Variants in GLIPR1 observed in about 807,000 individuals in gnomAD.
GLIPR1 encodes the protein glioma pathogenesis-related protein 1.
Under a neutral mutation model 30.3 loss-of-function variants are expected in GLIPR1, and 38 were observed. The observed-to-expected ratio is 1.26, with a 90% CI of 0.97 to 1.65. GLIPR1 has a LOEUF of 1.65. GLIPR1 is among the 40% of genes most tolerant of loss of function. GLIPR1 has a pLI of 0.00. For synonymous variants in GLIPR1, 122 were observed against 110.6 expected (o/e 1.10, Z -0.65); for missense variants, 285 against 326.5 (o/e 0.87, Z 0.98).
chr12:75,501,314 C>A lies in GLIPR1; in HGVS notation c.*2336C>A. The stretch of plus-strand genomic sequence containing the variant: ...TAAGGTGATGAGAAATCCATGTTAC[C>A]GATATAGAAGCCAAACTCTAAGCCA... On this transcript the variant is annotated 3_prime_UTR_variant, in exon 6 of 6. Transcript: ENST00000266659. 1 of 164,538 alleles carries A rather than the reference C, an allele frequency of 6.1e-6. No individual in the cohort carries two copies. The highest frequency in any genetic ancestry group is 5.9e-5 in the Admixed American group (1 of 17,020). 10.2% of individuals were successfully genotyped at this position (164,538 alleles called of 1,614,324 possible).
At chr12:75,495,889 CAA>C (rs1033657502) in intron 4 of GLIPR1, 2 of 312,540 alleles carry the variant, frequency 6.4e-6, no homozygotes. Flanking sequence ...ACAACAACAA[CAA>C]AAAAAACTGT....
intron 2 of GLIPR1, among the ~76,000 whole-genome samples, chr12:75,482,610 C>T (rs543681602): frequency 3.9e-4 from 59 of 152,136 alleles, no homozygotes; most frequent in Admixed American, 2.8e-3. Context: ...CCCAGGCCAA[C>T]AGAGAGGCCA....
In GLIPR1 at chr12:75,501,858, T is replaced by C. The variant is rs1168944708; in HGVS notation, c.*2880T>C. On this transcript the variant is annotated 3_prime_UTR_variant, in exon 6 of 6. Transcript: ENST00000266659. ...AAAATATATCAGTTAAATGTATTTA[T>C]AGTTAAATAATTCAAGTATCTATGA... The C allele has an allele frequency of 1.9e-6, 3 of 1,572,284 alleles. No homozygotes were observed. The highest frequency in any genetic ancestry group is 1.1e-5 in the South Asian group (1 of 89,220).
chr12:75,495,919 G>A, intron 4 of GLIPR1: 1 of 261,462 alleles, frequency 3.8e-6, no homozygotes, highest in South Asian at 1.3e-4. Flanking sequence ...TGTAGACTAA[G>A]ATTCCTAAGA....
At chr12:75,482,220 G>A in intron 2 of GLIPR1, 141 bp downstream of exon 2, 1 of 742,798 alleles carries the variant, frequency 1.3e-6, no homozygotes, top group Non-Finnish European at 2.2e-6. Context: ...TCCAAGAACA[G>A]AAAATAATGC....
Position 75,501,500 on chromosome 12 carries a change from A to C in GLIPR1, c.*2522A>C, listed in dbSNP as rs2046393769. The C allele has an allele frequency of 2.1e-6, 1 of 483,198 alleles. No homozygotes were observed. Among genetic ancestry groups the C allele is most frequent in the African/African-American group, 2.0e-5 (1 of 50,986 alleles). The allele number at this position is 483,198 out of a possible 1,614,324, so 29.9% of individuals were successfully genotyped here. ...AGAGTCTTTTCCAAGCACAGACCAG[A>C]GGTCAGGAGAGGACTGTCAATCCAG... On this transcript the variant is annotated 3_prime_UTR_variant, in exon 6 of 6. Transcript: ENST00000266659.
rs1314276081 is a variant in GLIPR1 at position 75,500,301 on chromosome 12, C to T, written c.*1323C>T. ...AAATTATTTTACCTACATTCTTTTC[C>T]ATATTTTGGAACTTCTGAGTCATTA... On this transcript the variant is annotated 3_prime_UTR_variant, in exon 6 of 6. Coordinates refer to ENST00000266659, the MANE Select transcript of GLIPR1 (RefSeq NM_006851.3). 6.4e-6 allele frequency: 1 copy of T among 155,916 alleles called. No individual in the cohort carries two copies. Among genetic ancestry groups the T allele is most frequent in the African/African-American group, 2.4e-5 (1 of 41,518 alleles). 9.7% of individuals were successfully genotyped at this position (155,916 alleles called of 1,614,324 possible). A position where few individuals can be genotyped will look rare whatever the true frequency, so the allele number is the denominator to read the frequency against.
At chr12:75,486,862 T>C (rs187847012) in intron 2 of GLIPR1, among the ~76,000 whole-genome samples, 20 of 152,262 alleles carry the variant, frequency 1.3e-4, no homozygotes, top group African/African-American at 4.8e-4. Flanking sequence ...GATAAAAATA[T>C]TCTATATCTT....
Position 75,498,733 on chromosome 12 carries a change from A to G in GLIPR1, c.646+13A>G. 1 of 1,611,492 alleles carries G rather than the reference A, an allele frequency of 6.2e-7. No homozygotes were observed. Among genetic ancestry groups the G allele is most frequent in the Non-Finnish European group, 8.5e-7 (1 of 1,177,948 alleles). On this transcript the variant is annotated intron_variant, in intron 5 of 5. Coordinates refer to ENST00000266659, the MANE Select transcript of GLIPR1 (RefSeq NM_006851.3). ...GACCAAGTCAAACGTACGTACATCA[A>G]TCTTAAATTGTTTCATTAAGAGCTA...
chr12:75,502,149 A>G lies in GLIPR1; in HGVS notation c.*3171A>G. 6.2e-6 allele frequency: 4 copies of G among 646,884 alleles called. No individual in the cohort carries two copies. The highest frequency in any genetic ancestry group is 1.1e-5 in the Non-Finnish European group (4 of 370,440). The allele number at this position is 646,884 out of a possible 1,614,324, so 40.1% of individuals were successfully genotyped here. A position where few individuals can be genotyped will look rare whatever the true frequency, so the allele number is the denominator to read the frequency against. On this transcript the variant is annotated 3_prime_UTR_variant, in exon 6 of 6. Transcript: ENST00000266659. ...TAGTGACATAAAGGAAACAGAGTCT[A>G]AGCTGAGGGGAATACATACACAAAA...
chr12:75,492,661 T>C (rs897098907), intron 3 of GLIPR1: 12 of 152,352 alleles, frequency 7.9e-5, no homozygotes, highest in Non-Finnish European at 1.8e-4. Flanking sequence ...ATAAACAATA[T>C]TAAATTATAA....
intron 4 of GLIPR1, chr12:75,498,479 T>C: frequency 2.2e-6 from 1 of 463,944 alleles, no homozygotes; most frequent in Non-Finnish European, 3.8e-6. Flanking sequence ...TTCCTTTTTA[T>C]AAAAGGTTTA....
intron 2 of GLIPR1, chr12:75,487,718 C>A (rs1463226443): frequency 8.8e-6 from 4 of 454,396 alleles, no homozygotes; most frequent in Non-Finnish European, 1.8e-5. Context: ...CCTCTTGCCT[C>A]ACTTCCTACT....
At position 75,498,834 on chromosome 12, in the gene GLIPR1, T is replaced by C; in HGVS notation, c.657T>C (p.Ser219=). ...RQRDQVKRYY[S]VVYPGWPIYP... ...ATGTTTGTTTCACAGGTTACTACTC[T>C]GTTGTATATCCAGGCTGGCCCATAT... Residue 219 remains serine (S), a synonymous_variant, in exon 6 of 6, where the codon TCT becomes TCC. Coordinates refer to ENST00000266659, the MANE Select transcript of GLIPR1 (RefSeq NM_006851.3). 1 of 1,612,598 alleles carries C rather than the reference T, an allele frequency of 6.2e-7. No individual in the cohort carries two copies.
intron 3 of GLIPR1, chr12:75,491,175 AGATT>A (rs71745980): frequency 0.32 from 49,061 of 151,900 alleles, 8,506 homozygotes; most frequent in East Asian, 0.45. Context: ...TAAAAATGAT[AGATT>A]GTTTATATAA....
rs981012443 is a variant in GLIPR1 at position 75,480,777 on chromosome 12, G to A, written c.-104G>A. 2.6e-5 allele frequency: 20 copies of A among 766,326 alleles called. No individual in the cohort carries two copies. Among genetic ancestry groups the A allele is most frequent in the African/African-American group, 5.2e-5 (3 of 57,398 alleles). 47.5% of individuals were successfully genotyped at this position (766,326 alleles called of 1,614,324 possible). On this transcript the variant is annotated 5_prime_UTR_variant, in exon 1 of 6. Coordinates refer to ENST00000266659, the MANE Select transcript of GLIPR1 (RefSeq NM_006851.3). ...GTTCTGTTTTCTCAAAGCTGAAGTC[G>A]GCTAGGTTTGCAAAGCTGTGGGCTG...
chr12:75,491,322 A>G (rs2046322725), intron 3 of GLIPR1: 1 of 152,194 alleles, frequency 6.6e-6, no homozygotes, highest in Admixed American at 6.5e-5. Context: ...ACGGGTCAGC[A>G]ACCTGCCCAA....
At chr12:75,488,797 G>C (rs1594057251) in intron 2 of GLIPR1, among the ~76,000 whole-genome samples, 2 of 152,208 alleles carry the variant, frequency 1.3e-5, no homozygotes, top group Admixed American at 6.5e-5. Flanking sequence ...CATTTCTTCA[G>C]AGAAAGGCAC....
At chr12:75,498,134 A>C (rs935033309) in intron 4 of GLIPR1, 1 of 152,522 alleles carries the variant, frequency 6.6e-6, no homozygotes, top group Non-Finnish European at 1.5e-5. Flanking sequence ...AGTATCCAGA[A>C]GGCTAAAGGC....
Sources: allele counts gnomAD v4.1 joint callset (sites outside exome capture counted in the v4.1 genomes callset), GRCh38; gene constraint gnomAD v4.1.1; transcripts MANE v1.5; gene names NCBI Gene and HGNC (gene_info 2026-07-23, HGNC 2026-07-21).